Variants in NETO1 observed in about 807,000 individuals in gnomAD.
The protein encoded by NETO1 is neuropilin and tolloid-like protein 1.
A neutral mutation model predicts 61.3 loss-of-function variants in NETO1; 26 were observed. The observed-to-expected ratio is 0.42, with a 90% CI of 0.31 to 0.59. The LOEUF (loss-of-function observed/expected upper bound fraction) is 0.59. Among genes scored for constraint, NETO1 ranks in the 20% least tolerant of loss-of-function variants. NETO1 has a pLI of 0.12. For missense variants in NETO1, 531 were observed against 662.8 expected (o/e 0.80, Z 2.18); for synonymous variants, 225 against 225.8 (o/e 1.00, Z 0.03).
At chr18:72,751,714 A>G (rs992918026) in intron 8 of NETO1, among the ~76,000 whole-genome samples, 5 of 152,206 alleles carry the variant, frequency 3.3e-5, no homozygotes, top group Non-Finnish European at 7.3e-5. Flanking sequence ...ACCACATGTT[A>G]GCAACCTCAC....
chr18:72,766,112 G>A (rs994207141), intron 7 of NETO1, among the ~76,000 whole-genome samples: 7 of 151,842 alleles, frequency 4.6e-5, no homozygotes, highest in African/African-American at 1.7e-4. Context: ...AGGCTGAGCG[G>A]GGAGAATCGT....
intron 6 of NETO1, among the ~76,000 whole-genome samples, chr18:72,788,261 C>T (rs925398484): frequency 6.6e-6 from 1 of 152,044 alleles, no homozygotes; most frequent in Non-Finnish European, 1.5e-5. Flanking sequence ...CAGGTAATCA[C>T]GTCTGAAGCA....
intron 7 of NETO1, among the ~76,000 whole-genome samples, chr18:72,758,569 G>A (rs952225913): frequency 6.6e-6 from 1 of 152,120 alleles, no homozygotes; most frequent in East Asian, 1.9e-4. Context: ...GGGCGTGGTG[G>A]CTCACGCCTG....
chr18:72,816,550 C>G (rs951517895), intron 4 of NETO1, among the ~76,000 whole-genome samples: 6 of 152,130 alleles, frequency 3.9e-5, no homozygotes, highest in African/African-American at 1.4e-4. Flanking sequence ...GTAAATCAGA[C>G]AGCAGAGCCA....
chr18:72,746,505 C>T lies in NETO1; in HGVS notation c.*1674G>A, dbSNP rs940053276. On this transcript the variant is annotated 3_prime_UTR_variant, in exon 11 of 11. Coordinates refer to ENST00000327305, the MANE Select transcript of NETO1 (RefSeq NM_138966.5). Reference sequence around the variant, plus strand: ...TCATTGAAGTGATTCTGTAGCTTGACATTTTTTCAAGATAGAGTGTTTATA... The same window carrying T: ...TCATTGAAGTGATTCTGTAGCTTGATATTTTTTCAAGATAGAGTGTTTATA... Among the ~76,000 whole-genome samples the T allele has an allele frequency of 1.3e-5, 2 of 152,064 alleles. No homozygotes were observed. Among genetic ancestry groups the T allele is most frequent in the African/African-American group, 2.4e-5 (1 of 41,436 alleles).
chr18:72,823,311 A>G (rs1229536041), intron 4 of NETO1, among the ~76,000 whole-genome samples: 1 of 152,136 alleles, frequency 6.6e-6, no homozygotes, highest in East Asian at 1.9e-4. Context: ...ATTAGCTAGG[A>G]TTAAGGAGTC....
At chr18:72,842,910 C>T (rs1343476368) in intron 4 of NETO1, among the ~76,000 whole-genome samples, 1 of 152,142 alleles carries the variant, frequency 6.6e-6, no homozygotes, top group Non-Finnish European at 1.5e-5. Flanking sequence ...ATAATAAGAG[C>T]TCAATAATTC....
intron 3 of NETO1, 77 bp downstream of exon 3, chr18:72,864,731 A>G: frequency 6.3e-7 from 1 of 1,582,852 alleles, no homozygotes; most frequent in South Asian, 1.1e-5. Flanking sequence ...GCCTATACGC[A>G]TATTCTTCAT....
At chr18:72,839,413 A>G (rs1327814461) in intron 4 of NETO1, among the ~76,000 whole-genome samples, 15 of 152,238 alleles carry the variant, frequency 9.9e-5, no homozygotes, top group Non-Finnish European at 2.2e-4. Context: ...TCTTAAAAGC[A>G]GTTTTAATGG....
At chr18:72,757,687 T>C (rs2070828982) in intron 7 of NETO1, among the ~76,000 whole-genome samples, 1 of 152,204 alleles carries the variant, frequency 6.6e-6, no homozygotes, top group Non-Finnish European at 1.5e-5. Flanking sequence ...CTGTTCTGTA[T>C]AAACCTTTCA....
chr18:72,842,291 T>C (rs1309728494), intron 4 of NETO1, among the ~76,000 whole-genome samples: 2 of 152,204 alleles, frequency 1.3e-5, no homozygotes, highest in Non-Finnish European at 2.9e-5. Context: ...AAATATTATA[T>C]ATTATATGTA....
At chr18:72,763,645 C>T (rs1391048506) in intron 7 of NETO1, among the ~76,000 whole-genome samples, 2 of 151,922 alleles carry the variant, frequency 1.3e-5, no homozygotes, top group African/African-American at 2.4e-5. Context: ...CAAACACAGT[C>T]ATACACACAC....
chr18:72,813,675 A>C (rs2072938703), intron 4 of NETO1, among the ~76,000 whole-genome samples: 1 of 152,150 alleles, frequency 6.6e-6, no homozygotes, highest in Non-Finnish European at 1.5e-5. Flanking sequence ...AAAACTCAAT[A>C]GACAGATTTA....
At chr18:72,773,354 T>G (rs1348398068) in intron 7 of NETO1, among the ~76,000 whole-genome samples, 1 of 152,130 alleles carries the variant, frequency 6.6e-6, no homozygotes, top group Non-Finnish European at 1.5e-5. Context: ...TTTATATACA[T>G]CTGCAAAATA....
intron 1 of NETO1, chr18:72,865,456 G>C: frequency 7.9e-7 from 1 of 1,271,444 alleles, no homozygotes. Context: ...AGTTAAGAAT[G>C]GATGAGACCC....
intron 4 of NETO1, among the ~76,000 whole-genome samples, chr18:72,847,742 G>A (rs910656240): frequency 3.9e-5 from 6 of 152,174 alleles, no homozygotes; most frequent in African/African-American, 9.7e-5. Context: ...CATTTGGAAC[G>A]AAGGTATTTT....
In NETO1 at chr18:72,750,138, C is replaced by T. The variant is rs1599078897; in HGVS notation, c.1465G>A (p.Ala489Thr). ...TCTTCGATTTCATCTATGTCACAGG[C>T]ATCTGCAGCATCTTGCGAGTAGCTG... ...KHSYSQDAADACDIDEIEEVP... is the reference protein window; with the variant it reads ...KHSYSQDAADTCDIDEIEEVP... Residue 489 changes from alanine to threonine, a missense_variant, in exon 9 of 11, where the codon GCC (alanine) becomes ACC (threonine). Physicochemically the swap from Ala to Thr is moderately conservative, Grantham distance 58. Transcript: ENST00000327305. 14 of 1,613,660 alleles carry T rather than the reference C, an allele frequency of 8.7e-6. No individual in the cohort carries two copies. In the East Asian group the frequency reaches 2.9e-4, roughly 33 times the overall value.
intron 7 of NETO1, among the ~76,000 whole-genome samples, chr18:72,757,640 C>T (rs574546360): frequency 6.6e-6 from 1 of 151,990 alleles, no homozygotes; most frequent in Admixed American, 6.6e-5. Flanking sequence ...AAAAGTATCA[C>T]GCTTAACACT....
At chr18:72,858,345 T>G (rs1431838172) in intron 4 of NETO1, among the ~76,000 whole-genome samples, 1 of 152,186 alleles carries the variant, frequency 6.6e-6, no homozygotes, top group East Asian at 1.9e-4. Context: ...TCTTAAGAAT[T>G]TGCTTTCCTG....
Sources: gnomAD v4.1 joint callset for allele counts (sites outside exome capture counted in the v4.1 genomes callset) on GRCh38, gnomAD v4.1.1 for gene constraint, MANE v1.5 for transcripts, NCBI Gene and HGNC (gene_info 2026-07-23, HGNC 2026-07-21) for gene names.